MRPL47: variants seen among roughly 807,000 people sequenced by gnomAD.
MRPL47 encodes the protein mitochondrial ribosomal protein L47.
MRPL47 carries 31 observed loss-of-function variants against 34.0 expected under a neutral mutation model. The observed-to-expected ratio is 0.91, with a 90% CI of 0.68 to 1.23. The LOEUF (loss-of-function observed/expected upper bound fraction) is 1.23, where lower values mean the gene tolerates loss of function less well. MRPL47 is among the 50% of genes most tolerant of loss of function. The pLI is 0.00. For synonymous variants in MRPL47, 106 were observed against 101.6 expected (o/e 1.04, Z -0.26); for missense variants, 328 against 285.8 (o/e 1.15, Z -1.07).
intron 6 of MRPL47, among the ~76,000 whole-genome samples, 164 bp from the exon 7 acceptor site, chr3:179,589,159 C>A (rs537801048): frequency 6.6e-6 from 1 of 152,262 alleles, no homozygotes; most frequent in African/African-American, 2.4e-5. Flanking sequence ...TCACTGTAAA[C>A]CTACACAAGT....
At chr3:179,598,405 C>T (rs1431841239) in intron 4 of MRPL47, among the ~76,000 whole-genome samples, 2 of 135,330 alleles carry the variant, frequency 1.5e-5, no homozygotes, top group Non-Finnish European at 3.1e-5. Flanking sequence ...CTGACACACA[C>T]ACACACACAC....
At chr3:179,598,426 A>ACACACACACACACACAC (rs1553779586) in intron 4 of MRPL47, among the ~76,000 whole-genome samples, 4 of 142,330 alleles carry the variant, frequency 2.8e-5, no homozygotes, top group East Asian at 2.1e-4. Context: ...ACACACACAC[A>ACACACACACACACACAC]AACAAAAAAA....
At chr3:179,596,983 G>C (rs911671150) in intron 4 of MRPL47, among the ~76,000 whole-genome samples, 6 of 152,094 alleles carry the variant, frequency 3.9e-5, no homozygotes, top group African/African-American at 1.4e-4. Context: ...GGAATATCCT[G>C]GTTTTTCTGA....
chr3:179,592,752 C>A lies in MRPL47; in HGVS notation c.534-13G>T. 6.4e-7 allele frequency: 1 copy of A among 1,565,796 alleles called. No individual in the cohort carries two copies. Among genetic ancestry groups the A allele is most frequent in the Admixed American group, 1.7e-5 (1 of 57,942 alleles). ...CTTGAACTTGTGCCTGCCAATAAAG[C>A]AAAAAGTTATTTGCCTTAAAGAAAA... On this transcript the variant is annotated splice_polypyrimidine_tract_variant and intron_variant, in intron 5 of 6. Coordinates refer to ENST00000476781, the MANE Select transcript of MRPL47 (RefSeq NM_020409.3).
chr3:179,593,683 T>C (rs1718724821), intron 5 of MRPL47, 82 bp downstream of exon 5: 4 of 1,353,708 alleles, frequency 3.0e-6, no homozygotes, highest in Non-Finnish European at 4.0e-6. Context: ...GGTACAAATT[T>C]TTTTTTAAAA....
At chr3:179,598,854 T>G in intron 3 of MRPL47, 83 bp from the exon 4 acceptor site, 1 of 1,032,938 alleles carries the variant, frequency 9.7e-7, no homozygotes, top group South Asian at 1.3e-5. Context: ...AAATTAATTA[T>G]CTGTACTTGA....
chr3:179,589,017 A>G (rs377430005), intron 6 of MRPL47, 22 bp from the exon 7 acceptor site: 9 of 1,584,308 alleles, frequency 5.7e-6, no homozygotes, highest in Non-Finnish European at 7.7e-6. Context: ...AAAGCGTAAC[A>G]GCAATTTATA....
intron 6 of MRPL47, among the ~76,000 whole-genome samples, chr3:179,591,164 C>CTGT (rs1261663522): frequency 4.6e-5 from 7 of 152,128 alleles, no homozygotes. Context: ...TTGTTAAAAG[C>CTGT]TGTGGTTCTT....
chr3:179,590,543 TAAGC>T (rs1238257787), intron 6 of MRPL47, among the ~76,000 whole-genome samples: 5 of 151,890 alleles, frequency 3.3e-5, no homozygotes, highest in African/African-American at 1.2e-4. Context: ...CAGTGGAAAA[TAAGC>T]AAGGAACACT....
rs1449579729 is a variant in MRPL47, at chr3:179,604,600, G to A, written c.25C>T (p.Leu9Phe). The change falls in exon 1 of 7, where the codon CTT becomes TTT. Residue 9 changes from leucine (L) to phenylalanine (F), a missense_variant. Coordinates refer to ENST00000476781, the MANE Select transcript of MRPL47 (RefSeq NM_020409.3). ...AGGGCGGATGAAACTCTCCTACAAA[G>A]AAGGGCCAAACCGGCCGCAGCCATG... MAAAGLAL[L>F]CRRVSSALKS... The A allele has an allele frequency of 4.3e-6, 7 of 1,614,236 alleles. No homozygotes were observed. The highest frequency in any genetic ancestry group is 1.1e-5 in the South Asian group (1 of 91,084).
chr3:179,596,403 T>C (rs1718789112), intron 4 of MRPL47, among the ~76,000 whole-genome samples: 1 of 152,222 alleles, frequency 6.6e-6, no homozygotes, highest in South Asian at 2.1e-4. Flanking sequence ...ACACCAGATG[T>C]ATATGAAGTT....
At position 179,602,571 on chromosome 3, in the gene MRPL47, T is replaced by C. The variant is rs1261973287; in HGVS notation, c.244+81A>G. ...CTAAATAATTCCTAAACTGGATATA[T>C]AATCCTAGAACGATGGTTGGGCGGG... On this transcript the variant is annotated intron_variant, in intron 2 of 6. Coordinates refer to ENST00000476781, the MANE Select transcript of MRPL47 (RefSeq NM_020409.3). 6 of 732,478 alleles carry C rather than the reference T, an allele frequency of 8.2e-6. No individual in the cohort carries two copies. In the African/African-American group the frequency reaches 1.4e-4, roughly 17 times the overall value. The allele number at this position is 732,478 out of a possible 1,614,324, so 45.4% of individuals were successfully genotyped here.
Position 179,604,635 on chromosome 3 carries a change from A to G in MRPL47, c.-11T>C, listed in dbSNP as rs1465020140. On this transcript the variant is annotated 5_prime_UTR_variant, in exon 1 of 7. Coordinates refer to ENST00000476781, the MANE Select transcript of MRPL47 (RefSeq NM_020409.3). ...ACCGGCCGCAGCCATGTTTTCGCAT[A>G]ACTGGCAAAACGCGTTTCCGCCAAC... 8 of 1,614,152 alleles carry G rather than the reference A, an allele frequency of 5.0e-6. No individual in the cohort carries two copies. In the Admixed American group the frequency reaches 5.0e-5, roughly 10 times the overall value.
In MRPL47 at chr3:179,588,675, C is replaced by T. The variant is rs903212507; in HGVS notation, c.*197G>A. 2.3e-5 allele frequency: 10 copies of T among 436,760 alleles called. No homozygotes were observed. Among genetic ancestry groups the T allele is most frequent in the African/African-American group, 1.8e-4 (9 of 50,310 alleles). 27.1% of individuals were successfully genotyped at this position (436,760 alleles called of 1,614,324 possible). On this transcript the variant is annotated 3_prime_UTR_variant, in exon 7 of 7. Transcript: ENST00000476781. Reference sequence around the variant, plus strand: ...TTATAAAGTGGGAATCTCATCTGAACTTTATACCTGATTTTTAGAAGCAAA... The same window carrying T: ...TTATAAAGTGGGAATCTCATCTGAATTTTATACCTGATTTTTAGAAGCAAA...
Position 179,593,902 on chromosome 3 carries a change from A to T in MRPL47, c.403-7T>A, listed in dbSNP as rs1475138379. 6.2e-7 allele frequency: 1 copy of T among 1,606,954 alleles called. No homozygotes were observed. The highest frequency in any genetic ancestry group is 1.1e-5 in the South Asian group (1 of 89,652). On this transcript the variant is annotated splice_region_variant and splice_polypyrimidine_tract_variant and intron_variant, in intron 4 of 6. Coordinates refer to ENST00000476781, the MANE Select transcript of MRPL47 (RefSeq NM_020409.3). ...CATCCATGGAATCTACTACCTGAAA[A>T]GAGAATAGAAAGATACAATTTCAAC...
intron 4 of MRPL47, among the ~76,000 whole-genome samples, chr3:179,596,979 T>C (rs1718802125): frequency 6.6e-6 from 1 of 152,232 alleles, no homozygotes; most frequent in Non-Finnish European, 1.5e-5. Context: ...TAAGGGAATA[T>C]CCTGGTTTTT....
intron 3 of MRPL47, among the ~76,000 whole-genome samples, chr3:179,599,937 C>T (rs1204245309): frequency 6.6e-6 from 1 of 151,876 alleles, no homozygotes; most frequent in Non-Finnish European, 1.5e-5. Flanking sequence ...ACCAGCCTGG[C>T]CAACATGGTG....
At chr3:179,601,569 A>G (rs914261010) in intron 3 of MRPL47, among the ~76,000 whole-genome samples, 161 bp downstream of exon 3, 3 of 152,274 alleles carry the variant, frequency 2.0e-5, no homozygotes, top group Non-Finnish European at 1.5e-5. Flanking sequence ...AACCTCTGTC[A>G]TATAAAATCT....
At position 179,604,388 on chromosome 3, in the gene MRPL47, T is replaced by C. The variant is rs1312981400; in HGVS notation, c.98+139A>G. 3 of 725,948 alleles carry C rather than the reference T, an allele frequency of 4.1e-6. No homozygotes were observed. The highest frequency in any genetic ancestry group is 6.9e-6 in the Non-Finnish European group (3 of 434,160). 45.0% of individuals were successfully genotyped at this position (725,948 alleles called of 1,614,324 possible). A position where few individuals can be genotyped will look rare whatever the true frequency, so the allele number is the denominator to read the frequency against. ...GAGCGACTTCTCCAAGGTCACTCACTCCTCACCAAAGTGGGCTCCGGCTCT... is the reference window on the plus strand; with the variant it reads ...GAGCGACTTCTCCAAGGTCACTCACCCCTCACCAAAGTGGGCTCCGGCTCT... On this transcript the variant is annotated intron_variant, in intron 1 of 6. Coordinates refer to ENST00000476781, the MANE Select transcript of MRPL47 (RefSeq NM_020409.3).
Sources: allele counts gnomAD v4.1 joint callset (sites outside exome capture counted in the v4.1 genomes callset), GRCh38; gene constraint gnomAD v4.1.1; transcripts MANE v1.5; gene names NCBI Gene and HGNC (gene_info 2026-07-23, HGNC 2026-07-21).